GGT5: variants seen among roughly 807,000 people sequenced by gnomAD.
The protein encoded by GGT5 is gamma-glutamyltransferase 5, also known as glutathione hydrolase 5 proenzyme.
In GGT5, 50 loss-of-function variants were observed where a neutral mutation model predicts 58.1. The observed-to-expected ratio is 0.86, with a 90% CI of 0.69 to 1.09. The LOEUF is 1.09. Ranked by LOEUF, GGT5 falls within the 50% of genes least tolerant of loss-of-function variation. GGT5 has a pLI of 0.00. For synonymous variants in GGT5, 370 were observed against 346.1 expected (o/e 1.07, Z -0.77); for missense variants, 800 against 789.4 (o/e 1.01, Z -0.16).
chr22:24,224,948 T>C (rs892550683), intron 11 of GGT5, 48 bp downstream of exon 11: 1 of 1,260,084 alleles, frequency 7.9e-7, no homozygotes, highest in Admixed American at 2.0e-5. Context: ...AGCACGGATT[T>C]GGGGAGTGGG....
intron 1 of GGT5, chr22:24,244,098 A>G (rs1375309679): frequency 1.0e-4 from 17 of 163,166 alleles, no homozygotes; most frequent in Admixed American, 4.8e-4. Context: ...CACCTGGGAT[A>G]TGCAAATGGG....
rs2047867252 is a variant in GGT5, at chr22:24,229,269, T to TCA, written c.901+2114_901+2115insTG. Among the ~76,000 whole-genome samples the TCA allele has an allele frequency of 4.7e-5, 7 of 148,498 alleles. No homozygotes were observed. In the South Asian group the frequency reaches 1.3e-3, roughly 27 times the overall value. On this transcript the variant is annotated intron_variant, in intron 6 of 11. Coordinates refer to ENST00000327365, the MANE Select transcript of GGT5 (RefSeq NM_004121.5). ...TAATACAAAAAAAAAAAATTAGTTG[T>TCA]GGTGGCAGGCGCCTGTAATCCCAGC...
intron 1 of GGT5, chr22:24,241,700 A>C (rs2048331598): frequency 6.6e-6 from 1 of 152,136 alleles, no homozygotes; most frequent in African/African-American, 2.4e-5. Flanking sequence ...ATATCCAAAA[A>C]ACAACATACT....
intron 1 of GGT5, chr22:24,242,064 G>C (rs575512574): frequency 1.3e-5 from 2 of 151,778 alleles, no homozygotes; most frequent in Non-Finnish European, 2.9e-5. Flanking sequence ...TGATCCACCC[G>C]CCTCAGCCTC....
At chr22:24,231,856 C>T (rs901427669) in intron 5 of GGT5, among the ~76,000 whole-genome samples, 195 bp downstream of exon 5, 4 of 152,120 alleles carry the variant, frequency 2.6e-5, no homozygotes, top group Non-Finnish European at 4.4e-5. Flanking sequence ...GGCCCTAACC[C>T]GCAGGCTCTG....
At chr22:24,226,457 C>T (rs990029607) in intron 7 of GGT5, among the ~76,000 whole-genome samples, 174 bp downstream of exon 7, 1 of 152,192 alleles carries the variant, frequency 6.6e-6, no homozygotes, top group African/African-American at 2.4e-5. Context: ...TGGTGCCACT[C>T]CTGCACCTGA....
At chr22:24,238,794 T>G (rs796347602) in intron 1 of GGT5, among the ~76,000 whole-genome samples, 1 of 9,644 alleles carries the variant, frequency 1.0e-4, no homozygotes, top group Non-Finnish European at 1.5e-4. Context: ...ATATTATATA[T>G]TTATATATAT....
intron 11 of GGT5, chr22:24,220,724 C>T (rs1410226006): frequency 4.4e-6 from 2 of 452,344 alleles, no homozygotes; most frequent in Admixed American, 4.8e-5. Flanking sequence ...AGCAAGACAC[C>T]GTCTCTAAAA....
chr22:24,233,516 C>A lies in GGT5; in HGVS notation c.382G>T (p.Ala128Ser). ...GCGTCACCTGTGCCCAGTGGCAGAG[C>A]CTGTGCACACTGGTCCAGCAGGCTC... ...APSLLDQCAQALPLGTGAQWI... is the reference protein window; with the variant it reads ...APSLLDQCAQSLPLGTGAQWI... The change falls in exon 3 of 12, where the codon GCT becomes TCT. Residue 128 changes from alanine (A) to serine (S), a missense_variant. Physicochemically the swap from Ala to Ser is moderately conservative, Grantham distance 99. Transcript: ENST00000327365. 3 of 1,604,002 alleles carry A rather than the reference C, an allele frequency of 1.9e-6. No homozygotes were observed. Among genetic ancestry groups the A allele is most frequent in the Non-Finnish European group, 2.6e-6 (3 of 1,175,068 alleles).
intron 1 of GGT5, 71 bp from the exon 2 acceptor site, chr22:24,234,075 G>A (rs1348358246): frequency 2.1e-6 from 3 of 1,461,212 alleles, no homozygotes; most frequent in Admixed American, 2.1e-5. Flanking sequence ...TGCTCAGCTG[G>A]CACTCATTGG....
intron 6 of GGT5, among the ~76,000 whole-genome samples, chr22:24,228,961 A>C (rs1435035943): frequency 6.6e-6 from 1 of 151,696 alleles, no homozygotes; most frequent in African/African-American, 2.4e-5. Flanking sequence ...ATGGTAGCAC[A>C]CATGGGTAGT....
intron 3 of GGT5, 88 bp downstream of exon 3, chr22:24,233,410 T>C: frequency 1.4e-6 from 1 of 735,492 alleles, no homozygotes; most frequent in Non-Finnish European, 2.2e-6. Flanking sequence ...TCACAGCCTG[T>C]CCGTGAGGCG....
Position 24,232,168 on chromosome 22 carries a change from C to A in GGT5, c.637G>T (p.Asp213Tyr). 6.3e-7 allele frequency: 1 copy of A among 1,579,360 alleles called. No individual in the cohort carries two copies. Among genetic ancestry groups the A allele is most frequent in the Non-Finnish European group, 8.6e-7 (1 of 1,161,188 alleles). ...FNGTEPLRPQ[D>Y]PLPWPALATT... ...GCCAGTGCAGGCCATGGGAGTGGGTCCTGAGGCCTCAGGGGTTCTGTCCCG... is the reference window on the plus strand; with the variant it reads ...GCCAGTGCAGGCCATGGGAGTGGGTACTGAGGCCTCAGGGGTTCTGTCCCG... Residue 213 changes from aspartate (D) to tyrosine (Y), a missense_variant, in exon 5 of 12, where the codon GAC becomes TAC. Transcript: ENST00000327365.
intron 6 of GGT5, among the ~76,000 whole-genome samples, chr22:24,230,281 T>C (rs940873401): frequency 2.6e-5 from 4 of 151,764 alleles, no homozygotes; most frequent in Non-Finnish European, 4.4e-5. Flanking sequence ...GGCAGGAGAA[T>C]TGCTTGTACC....
Position 24,231,488 on chromosome 22 carries a change from T to C in GGT5, c.797A>G (p.Glu266Gly), listed in dbSNP as rs1356920039. Residue 266 changes from glutamate (E) to glycine (G), a missense_variant, in exon 6 of 12, where the codon GAG becomes GGG. By Grantham distance (98) the Glu-to-Gly change is moderately conservative. Transcript: ENST00000327365. ...GGGCACCTCCAGGGCATCCACCACC[T>C]CGGGCTGGAACTTGGCCAGGTCCTG... ...TLQDLAKFQPEVVDALEVPLG... is the reference protein window; with the variant it reads ...TLQDLAKFQPGVVDALEVPLG... The C allele has an allele frequency of 6.3e-7, 1 of 1,584,440 alleles. No homozygotes were observed. Among genetic ancestry groups the C allele is most frequent in the East Asian group, 2.3e-5 (1 of 43,188 alleles).
chr22:24,225,157 A>G (rs1234040720), intron 10 of GGT5, 51 bp from the exon 11 acceptor site: 1 of 1,571,604 alleles, frequency 6.4e-7, no homozygotes. Flanking sequence ...CTGCTACCCT[A>G]CATCAGCCCT....
intron 1 of GGT5, among the ~76,000 whole-genome samples, chr22:24,237,878 T>C (rs1227497356): frequency 6.6e-6 from 1 of 152,192 alleles, no homozygotes; most frequent in East Asian, 1.9e-4. Flanking sequence ...ATAAGTACTT[T>C]GTATCTATAT....
chr22:24,230,637 AAG>A (rs2047909966), intron 6 of GGT5, among the ~76,000 whole-genome samples: 1 of 152,096 alleles, frequency 6.6e-6, no homozygotes, highest in South Asian at 2.1e-4. Flanking sequence ...GTAAACAAAA[AAG>A]TTATATAATC....
At chr22:24,244,493 C>T (rs1361522770) in intron 1 of GGT5, 60 bp downstream of exon 1, 1 of 1,408,068 alleles carries the variant, frequency 7.1e-7, no homozygotes, top group Non-Finnish European at 1.0e-6. Flanking sequence ...CACACACACG[C>T]CTTCTCCAGG....
Sources: gnomAD v4.1 joint callset for allele counts (sites outside exome capture counted in the v4.1 genomes callset) on GRCh38, gnomAD v4.1.1 for gene constraint, MANE v1.5 for transcripts, NCBI Gene and HGNC (gene_info 2026-07-23, HGNC 2026-07-21) for gene names.